COL9A1: variants seen among roughly 807,000 people sequenced by gnomAD.
The protein encoded by COL9A1 is collagen alpha-1(IX) chain.
COL9A1 carries 104 observed loss-of-function variants against 142.6 expected under a neutral mutation model. That is an observed-to-expected ratio of 0.73 (90% CI 0.62 to 0.86). COL9A1 has a LOEUF of 0.86. COL9A1 is among the 40% of genes least tolerant of loss of function. The pLI is 0.00. For synonymous variants in COL9A1, 466 were observed against 396.0 expected (o/e 1.18, Z -2.10); for missense variants, 1,210 against 1,176.6 (o/e 1.03, Z -0.42).
intron 32 of COL9A1, 110 bp downstream of exon 32, chr6:70,240,579 A>G: frequency 2.2e-5 from 2 of 91,292 alleles, no homozygotes; most frequent in South Asian, 1.8e-4. Context: ...GAAAATAAGA[A>G]TATATATATA....
intron 11 of COL9A1, among the ~76,000 whole-genome samples, 187 bp downstream of exon 11, chr6:70,274,532 G>A (rs544032078): frequency 1.3e-5 from 2 of 151,906 alleles, no homozygotes; most frequent in South Asian, 4.2e-4. Context: ...TCCCTGCAAA[G>A]GACATGATCT....
Position 70,294,159 on chromosome 6 carries a change from A to G in COL9A1, c.696+8T>C. On this transcript the variant is annotated splice_region_variant and intron_variant, in intron 5 of 37. Coordinates refer to ENST00000357250, the MANE Select transcript of COL9A1 (RefSeq NM_001851.6). ...TTAATCTGCCATAGTGTGTGGTTTT[A>G]TACTTACTGGAACAGAAACTTGAGG... is the stretch of plus-strand genomic sequence containing the variant. The G allele has an allele frequency of 1.9e-6, 3 of 1,613,988 alleles. No individual in the cohort carries two copies. The highest frequency in any genetic ancestry group is 1.7e-5 in the Admixed American group (1 of 60,018).
In COL9A1 at chr6:70,254,542, C is replaced by T. The variant is rs774334207; in HGVS notation, c.1666-13G>A. 4 of 1,613,706 alleles carry T rather than the reference C, an allele frequency of 2.5e-6. No individual in the cohort carries two copies. The highest frequency in any genetic ancestry group is 3.4e-6 in the Non-Finnish European group (4 of 1,179,774). ...TTCCTGGTTCACCCTGCAAAAAAAGCTTTTATCACATGATTGAACCTGTAT... is the reference window on the plus strand; with the variant it reads ...TTCCTGGTTCACCCTGCAAAAAAAGTTTTTATCACATGATTGAACCTGTAT... On this transcript the variant is annotated splice_polypyrimidine_tract_variant and intron_variant, in intron 24 of 37. Transcript: ENST00000357250.
At chr6:70,287,722 C>T (rs1373070060) in intron 5 of COL9A1, among the ~76,000 whole-genome samples, 2 of 152,206 alleles carry the variant, frequency 1.3e-5, no homozygotes, top group African/African-American at 4.8e-5. Context: ...TCTTTGATTT[C>T]TAAATCCAAT....
At position 70,294,525 on chromosome 6, in the gene COL9A1, AAGG is replaced by A. The variant is rs1225139289; in HGVS notation, c.335_337del (p.Ser112del). 2 of 1,613,926 alleles carry A rather than the reference AAGG, an allele frequency of 1.2e-6. No individual in the cohort carries two copies. Among genetic ancestry groups the A allele is most frequent in the African/African-American group, 2.7e-5 (2 of 74,924 alleles). Reference sequence around the variant, plus strand: ...TCCAGTCATTCGAAACGTCGTCAAGAAGGAGTATTCTTCAGGCAGTCCACTGGG... The same window carrying A: ...TCCAGTCATTCGAAACGTCGTCAAGAAGTATTCTTCAGGCAGTCCACTGGG... On this transcript the variant is annotated inframe_deletion, in exon 5 of 38. Coordinates refer to ENST00000357250, the MANE Select transcript of COL9A1 (RefSeq NM_001851.6).
intron 30 of COL9A1, 64 bp from the exon 31 acceptor site, chr6:70,241,518 C>A (rs539673657): frequency 1.9e-5 from 27 of 1,386,534 alleles, no homozygotes; most frequent in Non-Finnish European, 1.2e-5. Flanking sequence ...TTCAAGTGAA[C>A]CTTATTGGGT....
intron 28 of COL9A1, among the ~76,000 whole-genome samples, chr6:70,248,643 C>T (rs3793071): frequency 0.13 from 19,752 of 152,214 alleles, 1,972 homozygotes; most frequent in East Asian, 0.43. Flanking sequence ...CCTATCATGA[C>T]ATTTTTCAGA....
intron 10 of COL9A1, among the ~76,000 whole-genome samples, chr6:70,275,649 A>G (rs535072875): frequency 4.9e-4 from 75 of 152,240 alleles, no homozygotes; most frequent in African/African-American, 1.5e-3. Context: ...TTTGGTAAAG[A>G]TACATTTCTA....
intron 28 of COL9A1, among the ~76,000 whole-genome samples, chr6:70,245,360 T>C (rs1332991726): frequency 6.6e-6 from 1 of 152,230 alleles, no homozygotes; most frequent in Non-Finnish European, 1.5e-5. Context: ...GAGTTATTTA[T>C]ATCCTACTGC....
intron 33 of COL9A1, 52 bp downstream of exon 33, chr6:70,239,202 G>A: frequency 8.8e-7 from 1 of 1,131,950 alleles, no homozygotes; most frequent in South Asian, 1.3e-5. Context: ...ATATTCTACA[G>A]CTTTATTAAT....
Position 70,272,096 on chromosome 6 carries a change from A to G in COL9A1, c.1066-8T>C. ...TCCAGGAATACCACGGCCCTAAAAG[A>G]GTACAATAAAAATGGTTATAGCTTG... is the stretch of plus-strand genomic sequence containing the variant. On this transcript the variant is annotated splice_region_variant and splice_polypyrimidine_tract_variant and intron_variant, in intron 12 of 37. Coordinates refer to ENST00000357250, the MANE Select transcript of COL9A1 (RefSeq NM_001851.6). 6.2e-7 allele frequency: 1 copy of G among 1,610,304 alleles called. No homozygotes were observed. Among genetic ancestry groups the G allele is most frequent in the Non-Finnish European group, 8.5e-7 (1 of 1,177,202 alleles).
At chr6:70,285,441 T>A (rs536626582) in intron 5 of COL9A1, among the ~76,000 whole-genome samples, 1 of 152,272 alleles carries the variant, frequency 6.6e-6, no homozygotes, top group Non-Finnish European at 1.5e-5. Flanking sequence ...GTTATACATG[T>A]AAAATGCTGA....
chr6:70,300,258 A>T (rs777575339), intron 3 of COL9A1, 51 bp downstream of exon 3: 1 of 1,609,264 alleles, frequency 6.2e-7, no homozygotes, highest in South Asian at 1.1e-5. Flanking sequence ...TAAAAAAAAA[A>T]ATCAGGTTTA....
chr6:70,267,338 T>TTTTTTTTTG (rs1772090183), intron 17 of COL9A1, among the ~76,000 whole-genome samples: 1 of 150,036 alleles, frequency 6.7e-6, no homozygotes, highest in Non-Finnish European at 1.5e-5. Flanking sequence ...TTTTTTTTTT[T>TTTTTTTTTG]TGAGATGGAG....
In COL9A1 at chr6:70,254,354, T is replaced by C. The variant is rs6923863; in HGVS notation, c.1719+122A>G. 0.011 allele frequency: 9,204 copies of C among 821,530 alleles called. 576 individuals are homozygous for C. In the African/African-American group the frequency reaches 0.14, roughly 12 times the overall value. The allele number at this position is 821,530 out of a possible 1,614,324, so 50.9% of individuals were successfully genotyped here. A position where few individuals can be genotyped will look rare whatever the true frequency, so the allele number is the denominator to read the frequency against. On this transcript the variant is annotated intron_variant, in intron 25 of 37. Coordinates refer to ENST00000357250, the MANE Select transcript of COL9A1 (RefSeq NM_001851.6). ...AATACAAATGTAAATTGTAAAAATG[T>C]AAAAGTAAAACATCATATCTTCCCC...
chr6:70,290,694 T>C (rs1773625207), intron 5 of COL9A1, among the ~76,000 whole-genome samples: 1 of 152,096 alleles, frequency 6.6e-6, no homozygotes, highest in African/African-American at 2.4e-5. Flanking sequence ...ATTATGAAGT[T>C]CCTAGGGTTA....
At chr6:70,280,238 TG>T in intron 10 of COL9A1, 1 of 1,186,234 alleles carries the variant, frequency 8.4e-7, no homozygotes, top group Middle Eastern at 3.0e-4. Context: ...AAAAACTCCA[TG>T]GAAAGACGAA....
chr6:70,278,471 C>T (rs1224463562), intron 10 of COL9A1, among the ~76,000 whole-genome samples: 1 of 152,198 alleles, frequency 6.6e-6, no homozygotes, highest in Non-Finnish European at 1.5e-5. Context: ...ATGTTTGTGG[C>T]AGTGCTTGAG....
At chr6:70,217,718 G>C (rs1227214590) in intron 37 of COL9A1, among the ~76,000 whole-genome samples, 1 of 152,136 alleles carries the variant, frequency 6.6e-6, no homozygotes, top group Admixed American at 6.5e-5. Flanking sequence ...ATAGTTTAGC[G>C]GTTAAAAACA....
Sources: allele counts gnomAD v4.1 joint callset (sites outside exome capture counted in the v4.1 genomes callset), GRCh38; gene constraint gnomAD v4.1.1; transcripts MANE v1.5; gene names NCBI Gene and HGNC (gene_info 2026-07-23, HGNC 2026-07-21).